ATRNL1: variants seen among roughly 807,000 people sequenced by gnomAD.
The protein encoded by ATRNL1 is attractin like 1, also known as attractin-like protein 1.
ATRNL1 carries 95 observed loss-of-function variants against 182.7 expected under a neutral mutation model. The ratio of observed to expected loss-of-function variants is 0.52; its 90% CI spans 0.44 to 0.62. The LOEUF (loss-of-function observed/expected upper bound fraction) is 0.62. ATRNL1 is among the 20% of genes least tolerant of loss of function. The pLI is 0.00. For missense variants in ATRNL1, 1,471 were observed against 1,679.5 expected (o/e 0.88, Z 2.17); for synonymous variants, 576 against 568.3 (o/e 1.01, Z -0.19).
intron 24 of ATRNL1, among the ~76,000 whole-genome samples, chr10:115,481,929 A>G (rs1180893700): frequency 1.3e-5 from 2 of 151,134 alleles, no homozygotes; most frequent in Middle Eastern, 3.4e-3. Context: ...TTAAAAAATG[A>G]CTTAATTTTT....
At chr10:115,128,387 T>G (rs1845066855) in intron 4 of ATRNL1, 1 of 462,910 alleles carries the variant, frequency 2.2e-6, no homozygotes. Flanking sequence ...GTCTATATAT[T>G]ATTTTTTTCT....
intron 24 of ATRNL1, among the ~76,000 whole-genome samples, chr10:115,487,300 G>A (rs1849072988): frequency 6.6e-6 from 1 of 152,002 alleles, no homozygotes; most frequent in African/African-American, 2.4e-5. Context: ...AGATTGATGG[G>A]GATAGCATTG....
intron 27 of ATRNL1, chr10:115,820,409 A>G (rs1950264541): frequency 6.6e-6 from 1 of 152,118 alleles, no homozygotes. Context: ...CCAGAACTGT[A>G]ATGCTTCAAG....
chr10:115,409,620 G>C (rs550931808), intron 20 of ATRNL1, among the ~76,000 whole-genome samples: 2 of 152,228 alleles, frequency 1.3e-5, no homozygotes, highest in East Asian at 3.9e-4. Flanking sequence ...TAAGCATGGT[G>C]AGAGTGGTAA....
At chr10:115,147,508 G>C (rs1554879664) in intron 5 of ATRNL1, among the ~76,000 whole-genome samples, 1 of 152,006 alleles carries the variant, frequency 6.6e-6, no homozygotes, top group African/African-American at 2.4e-5. Context: ...TTTGTTGCCT[G>C]TGCTTTTGAG....
At chr10:115,558,068 A>AC (rs1372489067) in intron 26 of ATRNL1, among the ~76,000 whole-genome samples, 39 of 150,898 alleles carry the variant, frequency 2.6e-4, no homozygotes, top group African/African-American at 5.6e-4. Context: ...AAAAAAACAA[A>AC]AAAAAAAAAC....
intron 23 of ATRNL1, 114 bp from the exon 24 acceptor site, chr10:115,469,058 C>A: frequency 2.7e-6 from 1 of 373,078 alleles, no homozygotes; most frequent in Non-Finnish European, 4.7e-6. Flanking sequence ...AAATTATAAA[C>A]AGTATATTTT....
intron 26 of ATRNL1, among the ~76,000 whole-genome samples, chr10:115,719,201 C>T (rs1555057117): frequency 6.6e-6 from 1 of 152,064 alleles, no homozygotes; most frequent in African/African-American, 2.4e-5. Context: ...GCTTCCAGTC[C>T]TTAATGGAGT....
At chr10:115,711,414 G>A (rs1947060488) in intron 26 of ATRNL1, among the ~76,000 whole-genome samples, 1 of 152,116 alleles carries the variant, frequency 6.6e-6, no homozygotes, top group Admixed American at 6.6e-5. Context: ...TCACCTCCTT[G>A]GAACACAATG....
At chr10:115,876,055 A>G (rs1269624733) in intron 28 of ATRNL1, among the ~76,000 whole-genome samples, 1 of 152,214 alleles carries the variant, frequency 6.6e-6, no homozygotes, top group Non-Finnish European at 1.5e-5. Flanking sequence ...CTTTGGAGCA[A>G]GGTGAAACTG....
chr10:115,246,670 C>T (rs1850658886), intron 10 of ATRNL1, among the ~76,000 whole-genome samples: 1 of 103,252 alleles, frequency 9.7e-6, no homozygotes, highest in Non-Finnish European at 2.1e-5. Context: ...ACGCCATTCT[C>T]CTGCCTCAGC....
rs557980765 is a variant in ATRNL1 at position 115,944,723 on chromosome 10, A to T, written c.4084A>T (p.Thr1362Ser). Residue 1362 changes from threonine to serine, a missense_variant, in exon 29 of 29, where the codon ACT (threonine) becomes TCT (serine). This residue lies in a region of ATRNL1 where 437 missense variants were observed against 506.0 expected (regional missense o/e 0.86). Coordinates refer to ENST00000355044, the MANE Select transcript of ATRNL1 (RefSeq NM_207303.4). Reference sequence around the variant, plus strand: ...GAAAGCTTCAGATAGTAAAGATAAGACTTCTGGAGTCCGGAATCGAAAACA... The same window carrying T: ...GAAAGCTTCAGATAGTAAAGATAAGTCTTCTGGAGTCCGGAATCGAAAACA... ...QQKASDSKDK[T>S]SGVRNRKHLS... 3 of 1,613,746 alleles carry T rather than the reference A, an allele frequency of 1.9e-6. No homozygotes were observed. The African/African-American group carries it at 4.0e-5, about 22-fold the overall frequency.
At chr10:115,534,703 G>T (rs948216647) in intron 25 of ATRNL1, among the ~76,000 whole-genome samples, 19 of 152,002 alleles carry the variant, frequency 1.2e-4, no homozygotes, top group African/African-American at 4.3e-4. Flanking sequence ...TCCTAGTCTC[G>T]ATGGTCTTTA....
At chr10:115,738,844 C>A (rs1367874432) in intron 27 of ATRNL1, among the ~76,000 whole-genome samples, 3 of 151,956 alleles carry the variant, frequency 2.0e-5, no homozygotes, top group African/African-American at 2.4e-5. Context: ...TGATAAAAGT[C>A]ATTTGTTTAC....
intron 26 of ATRNL1, among the ~76,000 whole-genome samples, chr10:115,625,802 G>T (rs1259920855): frequency 2.0e-5 from 3 of 151,954 alleles, no homozygotes; most frequent in African/African-American, 7.3e-5. Context: ...GACCCTATAT[G>T]CTTATATTTC....
intron 26 of ATRNL1, among the ~76,000 whole-genome samples, chr10:115,615,767 C>G (rs1857394760): frequency 6.6e-6 from 1 of 152,176 alleles, no homozygotes; most frequent in Non-Finnish European, 1.5e-5. Flanking sequence ...TCAGCTTTTG[C>G]CATGATTGTA....
At chr10:115,850,459 T>C (rs975021975) in intron 28 of ATRNL1, among the ~76,000 whole-genome samples, 10 of 152,160 alleles carry the variant, frequency 6.6e-5, no homozygotes, top group African/African-American at 2.4e-4. Flanking sequence ...AAATATTTAG[T>C]GTATGCACAG....
intron 24 of ATRNL1, among the ~76,000 whole-genome samples, chr10:115,498,699 T>A (rs1158439043): frequency 6.6e-6 from 1 of 151,798 alleles, no homozygotes; most frequent in Non-Finnish European, 1.5e-5. Flanking sequence ...AATATGGATA[T>A]CAATATTTTA....
chr10:115,761,016 A>AT, intron 27 of ATRNL1, among the ~76,000 whole-genome samples: 1 of 152,352 alleles, frequency 6.6e-6, no homozygotes, highest in Non-Finnish European at 1.5e-5. Flanking sequence ...ATGAGAAAAC[A>AT]TAGGCAGCCT....
Sources: allele counts gnomAD v4.1 joint callset (sites outside exome capture counted in the v4.1 genomes callset), GRCh38; gene constraint gnomAD v4.1.1; regional missense constraint gnomAD v4.1.1; transcripts MANE v1.5; gene names NCBI Gene and HGNC (gene_info 2026-07-23, HGNC 2026-07-21).